The following RP1 variants were observed in gnomAD, a reference collection of about 807,000 sequenced individuals.
The protein encoded by RP1 is RP1 axonemal microtubule associated.
RP1 carries 16 observed loss-of-function variants against 14.8 expected under a neutral mutation model. The ratio of observed to expected loss-of-function variants is 1.08; its 90% CI spans 0.73 to 1.65. RP1 has a LOEUF of 1.65. Among genes scored for constraint, RP1 ranks in the 40% most tolerant of loss-of-function variants. The pLI, the probability that RP1 is intolerant of heterozygous loss-of-function variation, is 0.00. For synonymous variants in RP1, 876 were observed against 883.6 expected, an observed-to-expected ratio of 0.99 and a Z score of 0.15; for missense variants, 2,631 against 2,535.0, an observed-to-expected ratio of 1.04 and a Z score of -0.81.
intron 3 of RP1, among the ~76,000 whole-genome samples, chr8:54,637,618 CT>C (rs1018651068): frequency 1.3e-5 from 2 of 150,900 alleles, no homozygotes; most frequent in Non-Finnish European, 3.0e-5. Context: ...AGACATACTG[CT>C]TTTTTTTTCA....
At chr8:54,839,079 T>A (rs1811732423) in intron 25 of RP1, among the ~76,000 whole-genome samples, 1 of 152,222 alleles carries the variant, frequency 6.6e-6, no homozygotes, top group African/African-American at 2.4e-5. Context: ...ACCTTGACCT[T>A]CATCACGTGG....
intron 24 of RP1, among the ~76,000 whole-genome samples, chr8:54,831,823 T>G (rs956935421): frequency 6.6e-6 from 1 of 151,852 alleles, no homozygotes; most frequent in Non-Finnish European, 1.5e-5. Context: ...CTCTTTGCAT[T>G]TTTTGTAGTA....
At chr8:54,705,347 C>T (rs1808124197) in intron 14 of RP1, among the ~76,000 whole-genome samples, 1 of 152,172 alleles carries the variant, frequency 6.6e-6, no homozygotes, top group Non-Finnish European at 1.5e-5. Context: ...CTGGTTCTCT[C>T]CCCATGGAGT....
intron 23 of RP1, among the ~76,000 whole-genome samples, chr8:54,780,604 CT>C: frequency 6.6e-6 from 1 of 152,116 alleles, no homozygotes; most frequent in Non-Finnish European, 1.5e-5. Context: ...CACGTACAGA[CT>C]TTTTTCTTGT....
At chr8:54,617,676 C>G (rs1805753814) in intron 1 of RP1, among the ~76,000 whole-genome samples, 1 of 152,288 alleles carries the variant, frequency 6.6e-6, no homozygotes, top group East Asian at 1.9e-4. Context: ...ACTCCTACCC[C>G]CAATCCCTGA....
chr8:54,848,142 TG>T (rs1811973716), intron 25 of RP1, among the ~76,000 whole-genome samples: 1 of 152,216 alleles, frequency 6.6e-6, no homozygotes, highest in African/African-American at 2.4e-5. Context: ...CACCTATGTG[TG>T]GGCTCAGATA....
At chr8:54,675,997 G>A (rs1807287538) in intron 8 of RP1, among the ~76,000 whole-genome samples, 1 of 151,970 alleles carries the variant, frequency 6.6e-6, no homozygotes, top group East Asian at 1.9e-4. Flanking sequence ...TGGTGGAAGG[G>A]CAAAAAGGCC....
At chr8:54,581,381 A>G (rs1348668281) in intron 1 of RP1, among the ~76,000 whole-genome samples, 1 of 152,212 alleles carries the variant, frequency 6.6e-6, no homozygotes, top group Non-Finnish European at 1.5e-5. Context: ...TATATGTGCC[A>G]CATTTTCTTA....
At chr8:54,653,351 T>C (rs1176383037) in intron 5 of RP1, among the ~76,000 whole-genome samples, 1 of 152,216 alleles carries the variant, frequency 6.6e-6, no homozygotes, top group Non-Finnish European at 1.5e-5. Context: ...AACATCCTAC[T>C]TATTAGCATG....
chr8:54,633,737 C>CTCTATATATATATA (rs1236298691), downstream of RP1, among the ~76,000 whole-genome samples: 5 of 118,802 alleles, frequency 4.2e-5, no homozygotes, highest in East Asian at 5.1e-4. Flanking sequence ...CTCTCTCTCT[C>CTCTATATATATATA]TATATATATA....
chr8:54,836,122 A>C (rs1326004823), intron 24 of RP1, among the ~76,000 whole-genome samples: 2 of 152,328 alleles, frequency 1.3e-5, no homozygotes, highest in African/African-American at 4.8e-5. Flanking sequence ...TATTATCAAG[A>C]AAAATATTTT....
intron 15 of RP1, among the ~76,000 whole-genome samples, chr8:54,709,942 G>A (rs973344620): frequency 1.3e-5 from 2 of 152,140 alleles, no homozygotes; most frequent in Non-Finnish European, 2.9e-5. Context: ...CAACCTTCAG[G>A]ACAAGCAAGG....
At chr8:54,834,916 G>A (rs960998417) in intron 24 of RP1, among the ~76,000 whole-genome samples, 3 of 152,242 alleles carry the variant, frequency 2.0e-5, no homozygotes, top group Non-Finnish European at 2.9e-5. Flanking sequence ...GCTAATTGGT[G>A]TTCCAATGTT....
Position 54,581,206 on chromosome 8 carries a change from C to G in RP1, c.-13+21886C>G, listed in dbSNP as rs188264746. 3.1e-3 allele frequency among the ~76,000 whole-genome samples: 459 copies of G among 148,982 alleles called. 1 individual carries two copies. Among genetic ancestry groups the G allele is most frequent in the Non-Finnish European group, 5.5e-3 (367 of 67,292 alleles). Reference sequence around the variant, plus strand: ...GTGTGTGATGTTCCCCTTCCTGTGTCCATGTATTCTCATTGTTCAATTCCC... The same window carrying G: ...GTGTGTGATGTTCCCCTTCCTGTGTGCATGTATTCTCATTGTTCAATTCCC... On this transcript the variant is annotated intron_variant, in intron 1 of 22. Transcript: ENST00000636932.
intron 23 of RP1, among the ~76,000 whole-genome samples, chr8:54,775,162 G>A (rs954969933): frequency 2.0e-5 from 3 of 152,130 alleles, no homozygotes; most frequent in Non-Finnish European, 4.4e-5. Context: ...GAAAATAGTG[G>A]TTCTGCTGCA....
At chr8:54,794,839 T>C (rs1810544708) in intron 24 of RP1, among the ~76,000 whole-genome samples, 1 of 151,984 alleles carries the variant, frequency 6.6e-6, no homozygotes, top group Non-Finnish European at 1.5e-5. Context: ...AAACCAAATA[T>C]CTGATAAGGG....
intron 22 of RP1, among the ~76,000 whole-genome samples, chr8:54,764,210 A>T (rs1386398689): frequency 6.6e-6 from 1 of 152,156 alleles, no homozygotes; most frequent in Non-Finnish European, 1.5e-5. Context: ...CATCCTTGAG[A>T]TCACACTCTG....
intron 1 of RP1, among the ~76,000 whole-genome samples, chr8:54,563,062 T>A (rs535714683): frequency 1.3e-5 from 2 of 152,312 alleles, no homozygotes; most frequent in Admixed American, 1.3e-4. Context: ...TAACTTTACA[T>A]CCTATCATCT....
At chr8:54,814,603 T>C (rs1263836894) in intron 24 of RP1, among the ~76,000 whole-genome samples, 3 of 152,174 alleles carry the variant, frequency 2.0e-5, no homozygotes, top group Non-Finnish European at 4.4e-5. Flanking sequence ...TAGAATTTAG[T>C]CTCCCAATTT....
Sources: gnomAD v4.1 joint callset for allele counts (sites outside exome capture counted in the v4.1 genomes callset) on GRCh38, gnomAD v4.1.1 for gene constraint, MANE v1.5 for transcripts, NCBI Gene and HGNC (gene_info 2026-07-23, HGNC 2026-07-21) for gene names.